Variants in SIPA1L1 observed in about 807,000 individuals in gnomAD.
SIPA1L1 encodes signal induced proliferation associated 1 like 1, also known as signal-induced proliferation-associated 1-like protein 1.
SIPA1L1 carries 26 observed loss-of-function variants against 162.7 expected under a neutral mutation model. The ratio of observed to expected loss-of-function variants is 0.16; its 90% CI spans 0.12 to 0.22. SIPA1L1 has a LOEUF of 0.22. Among genes scored for constraint, SIPA1L1 ranks in the 10% least tolerant of loss-of-function variants. The pLI is 1.00. For synonymous variants in SIPA1L1, 829 were observed against 837.4 expected, an observed-to-expected ratio of 0.99 and a Z score of 0.17; for missense variants, 1,874 against 2,241.0, an observed-to-expected ratio of 0.84 and a Z score of 3.31.
At chr14:71,394,283 C>T (rs1314322164) in intron 2 of SIPA1L1, among the ~76,000 whole-genome samples, 1 of 152,184 alleles carries the variant, frequency 6.6e-6, no homozygotes, top group Non-Finnish European at 1.5e-5. Context: ...TAAATTTCTC[C>T]ATTCACCAAT....
chr14:71,389,827 G>A (rs1260315704), intron 2 of SIPA1L1, among the ~76,000 whole-genome samples: 1 of 152,218 alleles, frequency 6.6e-6, no homozygotes, highest in Non-Finnish European at 1.5e-5. Context: ...GACTGTCAGT[G>A]TGGTGCTGTG....
chr14:71,378,129 A>G (rs1177054150), intron 2 of SIPA1L1, among the ~76,000 whole-genome samples: 1 of 151,620 alleles, frequency 6.6e-6, no homozygotes, highest in Non-Finnish European at 1.5e-5. Context: ...GATCACTCTA[A>G]CTAAAAGTGT....
chr14:71,547,015 G>A lies in SIPA1L1; in HGVS notation c.-303+17645G>A, dbSNP rs1484312617. On this transcript the variant is annotated intron_variant, in intron 4 of 23. Coordinates refer to ENST00000381232, the MANE Select transcript of SIPA1L1 (RefSeq NM_001386936.1). ...TTTCATGCCACAATTTCCAAATCTA[G>A]CCAGAAGCGTAGTTGTCAGAACTAT... Among the ~76,000 whole-genome samples, 4 of 151,716 alleles carry A rather than the reference G, an allele frequency of 2.6e-5. No homozygotes were observed. In the East Asian group the frequency reaches 7.8e-4, roughly 29 times the overall value.
intron 2 of SIPA1L1, among the ~76,000 whole-genome samples, chr14:71,352,455 C>T (rs1463506748): frequency 6.6e-6 from 1 of 152,202 alleles, no homozygotes; most frequent in African/African-American, 2.4e-5. Context: ...CCATAGGTTA[C>T]TGTTGCTGGT....
intron 4 of SIPA1L1, among the ~76,000 whole-genome samples, chr14:71,564,914 C>T (rs148595641): frequency 6.6e-6 from 1 of 152,122 alleles, no homozygotes; most frequent in Non-Finnish European, 1.5e-5. Flanking sequence ...TACTTTAATT[C>T]CTCACTTAAA....
rs1473101113 is a variant in SIPA1L1, at chr14:71,685,591, C to T, written c.3334C>T (p.Pro1112Ser). 6.2e-7 allele frequency: 1 copy of T among 1,614,154 alleles called. No individual in the cohort carries two copies. The change falls in exon 13 of 24, where the codon CCT becomes TCT. Residue 1112 changes from proline to serine, a missense_variant. This residue lies in a region of SIPA1L1 where 936 missense variants were observed against 1,051.9 expected (regional missense o/e 0.89). Transcript: ENST00000381232. ...MPPPERAANI[P>S]RSISSDGRPL... ...TCCTCCAGAAAGAGCCGCCAACATCCCTCGAAGCATCTCCAGTGACGGGCG... is the reference window on the plus strand; with the variant it reads ...TCCTCCAGAAAGAGCCGCCAACATCTCTCGAAGCATCTCCAGTGACGGGCG...
At chr14:71,624,745 G>GT (rs1332679213) in intron 7 of SIPA1L1, among the ~76,000 whole-genome samples, 3 of 151,962 alleles carry the variant, frequency 2.0e-5, no homozygotes, top group African/African-American at 7.3e-5. Context: ...ATTTCACACA[G>GT]TTAGTAAGTT....
At chr14:71,646,593 T>A (rs1424406333) in intron 7 of SIPA1L1, among the ~76,000 whole-genome samples, 1 of 152,244 alleles carries the variant, frequency 6.6e-6, no homozygotes, top group Non-Finnish European at 1.5e-5. Flanking sequence ...CCCCTTTACT[T>A]TGTTGAGATT....
At chr14:71,328,646 C>A (rs991186068) in intron 2 of SIPA1L1, among the ~76,000 whole-genome samples, 3 of 152,066 alleles carry the variant, frequency 2.0e-5, no homozygotes, top group African/African-American at 4.8e-5. Context: ...CCCATTGATT[C>A]AAAAAGATAA....
chr14:71,641,253 G>A (rs1474621893), intron 7 of SIPA1L1, among the ~76,000 whole-genome samples: 3 of 146,076 alleles, frequency 2.1e-5, no homozygotes, highest in Non-Finnish European at 4.5e-5. Context: ...AAAACAAGGA[G>A]TTCTGTCCAC....
chr14:71,467,224 C>T (rs371839943), intron 2 of SIPA1L1: 6 of 152,146 alleles, frequency 3.9e-5, no homozygotes, highest in African/African-American at 1.4e-4. Flanking sequence ...CTTTGTCGTT[C>T]AAGTGAATGT....
chr14:71,472,364 A>AT (rs1349012173), intron 2 of SIPA1L1, among the ~76,000 whole-genome samples: 1 of 152,014 alleles, frequency 6.6e-6, no homozygotes, highest in Non-Finnish European at 1.5e-5. Context: ...TCAAAAAAAA[A>AT]AAAAATCCAA....
chr14:71,456,502 G>A (rs1221712354), intron 2 of SIPA1L1, among the ~76,000 whole-genome samples: 1 of 152,172 alleles, frequency 6.6e-6, no homozygotes, highest in Non-Finnish European at 1.5e-5. Context: ...CAGCTGAATA[G>A]CATGTCTAGG....
intron 3 of SIPA1L1, among the ~76,000 whole-genome samples, chr14:71,515,660 T>A (rs189343057): frequency 2.6e-5 from 4 of 152,292 alleles, no homozygotes; most frequent in Admixed American, 1.3e-4. Context: ...TTTCTTTTTT[T>A]TTGAGATGGA....
chr14:71,444,850 AAAG>A (rs1485145376), intron 2 of SIPA1L1, among the ~76,000 whole-genome samples: 1 of 152,164 alleles, frequency 6.6e-6, no homozygotes, highest in African/African-American at 2.4e-5. Flanking sequence ...GGAATGTTAT[AAAG>A]AAGCTGATGA....
At chr14:71,583,558 C>T (rs2034215287) in intron 4 of SIPA1L1, among the ~76,000 whole-genome samples, 1 of 152,090 alleles carries the variant, frequency 6.6e-6, no homozygotes, top group Non-Finnish European at 1.5e-5. Flanking sequence ...CAACCCCACC[C>T]CCTTCCCACA....
rs573266309 is a variant in SIPA1L1, at chr14:71,387,637, G to A, written c.-465+66456G>A. Among the ~76,000 whole-genome samples, 28 of 152,290 alleles carry A rather than the reference G, an allele frequency of 1.8e-4. No individual in the cohort carries two copies. The South Asian group carries it at 5.4e-3, about 29-fold the overall frequency. On this transcript the variant is annotated intron_variant, in intron 2 of 23. Transcript: ENST00000381232. ...ATAAAAAGACTTTATGAAAAGGTAT[G>A]CATACGTATGTTTCAAACGATTCTT...
intron 2 of SIPA1L1, among the ~76,000 whole-genome samples, chr14:71,323,820 G>A (rs1219972107): frequency 2.6e-5 from 4 of 152,216 alleles, no homozygotes; most frequent in African/African-American, 9.6e-5. Flanking sequence ...GAGCAAGAGT[G>A]TACCTGGCCA....
intron 7 of SIPA1L1, among the ~76,000 whole-genome samples, chr14:71,629,278 T>G (rs1488677147): frequency 1.3e-5 from 2 of 152,220 alleles, no homozygotes; most frequent in South Asian, 2.1e-4. Context: ...GGCCAGGCAC[T>G]GTGTGAAACA....
Sources: gnomAD v4.1 joint callset for allele counts (sites outside exome capture counted in the v4.1 genomes callset) on GRCh38, gnomAD v4.1.1 for gene constraint, gnomAD v4.1.1 regional missense constraint, MANE v1.5 for transcripts, NCBI Gene and HGNC (gene_info 2026-07-23, HGNC 2026-07-21) for gene names.